Variants in ADAMTSL1 observed in about 807,000 individuals in gnomAD.
ADAMTSL1 encodes ADAMTS like 1.
ADAMTSL1 carries 126 observed loss-of-function variants against 201.8 expected under a neutral mutation model. That is an observed-to-expected ratio of 0.62 (90% CI 0.54 to 0.72). ADAMTSL1 has a LOEUF of 0.72. Among genes scored for constraint, ADAMTSL1 ranks in the 30% least tolerant of loss-of-function variants. The probability of loss-of-function intolerance (pLI) is 0.00; values close to 1 mark genes in which losing one functional copy is unlikely to be tolerated. For missense variants in ADAMTSL1, 2,679 were observed against 2,277.8 expected, an observed-to-expected ratio of 1.18 and a Z score of -3.59; for synonymous variants, 1,121 against 903.4, an observed-to-expected ratio of 1.24 and a Z score of -4.32.
intron 2 of ADAMTSL1, among the ~76,000 whole-genome samples, chr9:18,271,663 T>C (rs1316569575): frequency 1.3e-5 from 2 of 152,212 alleles, no homozygotes; most frequent in African/African-American, 4.8e-5. Context: ...TATAGCAGCA[T>C]GATTTATAAT....
intron 1 of ADAMTSL1, among the ~76,000 whole-genome samples, chr9:17,922,465 A>C (rs548650934): frequency 6.0e-4 from 91 of 152,270 alleles, no homozygotes; most frequent in African/African-American, 2.1e-3. Flanking sequence ...AATCTCAGAG[A>C]TTCTGATTCA....
chr9:18,768,958 C>T (rs1197834780), intron 16 of ADAMTSL1, among the ~76,000 whole-genome samples: 2 of 152,096 alleles, frequency 1.3e-5, no homozygotes. Flanking sequence ...AAGATTATAC[C>T]GATATCTTTC....
At chr9:18,584,439 G>A (rs1415813935) in intron 4 of ADAMTSL1, among the ~76,000 whole-genome samples, 1 of 152,028 alleles carries the variant, frequency 6.6e-6, no homozygotes, top group Non-Finnish European at 1.5e-5. Context: ...TCTCAGGTAT[G>A]TCTTTATCAG....
At chr9:18,678,897 A>C (rs749471057) in intron 10 of ADAMTSL1, among the ~76,000 whole-genome samples, 2 of 152,322 alleles carry the variant, frequency 1.3e-5, no homozygotes, top group East Asian at 3.9e-4. Context: ...GAGCTACTTC[A>C]TTCTCTTGAA....
intron 1 of ADAMTSL1, among the ~76,000 whole-genome samples, chr9:17,915,687 G>T (rs545569472): frequency 2.0e-5 from 3 of 152,284 alleles, no homozygotes; most frequent in Admixed American, 1.3e-4. Context: ...GAGAGTTCCA[G>T]TTCCTCTGCA....
chr9:18,636,929 T>G (rs1827144480), intron 6 of ADAMTSL1, among the ~76,000 whole-genome samples: 1 of 152,128 alleles, frequency 6.6e-6, no homozygotes, highest in Admixed American at 6.6e-5. Context: ...CAAATGCCTG[T>G]GAAACCAATT....
At chr9:18,579,732 AATT>A (rs2132402945) in intron 4 of ADAMTSL1, among the ~76,000 whole-genome samples, 1 of 152,282 alleles carries the variant, frequency 6.6e-6, no homozygotes, top group South Asian at 2.1e-4. Context: ...CACATTGTAC[AATT>A]ATCAACTCCT....
At chr9:18,671,901 G>A (rs2133099018) in intron 9 of ADAMTSL1, among the ~76,000 whole-genome samples, 1 of 152,148 alleles carries the variant, frequency 6.6e-6, no homozygotes, top group South Asian at 2.1e-4. Context: ...TCCGGGCGTG[G>A]CGGCGGGCGC....
chr9:18,833,465 A>T (rs1825119766), intron 23 of ADAMTSL1, among the ~76,000 whole-genome samples: 1 of 152,104 alleles, frequency 6.6e-6, no homozygotes, highest in Non-Finnish European at 1.5e-5. Context: ...AGTGACGTTG[A>T]GTTTTTTTCA....
intron 9 of ADAMTSL1, among the ~76,000 whole-genome samples, chr9:18,672,291 G>A (rs1829870739): frequency 6.6e-6 from 1 of 151,736 alleles, no homozygotes. Flanking sequence ...TGAGGTGATG[G>A]CCTCATTTCA....
At position 18,883,660 on chromosome 9, in the gene ADAMTSL1, A is replaced by C. The variant is rs149314817; in HGVS notation, c.4250-4171A>C. 7.2e-5 allele frequency among the ~76,000 whole-genome samples: 11 copies of C among 152,298 alleles called. No individual in the cohort carries two copies. The East Asian group carries it at 2.1e-3, about 29-fold the overall frequency. On this transcript the variant is annotated intron_variant, in intron 23 of 28. Coordinates refer to ENST00000380548, the MANE Select transcript of ADAMTSL1 (RefSeq NM_001040272.6). Reference sequence around the variant, plus strand: ...GCTCCAGGTACCTCATATAAGTGGAATCATACAATATTTGTCCTTTTATAT... The same window carrying C: ...GCTCCAGGTACCTCATATAAGTGGACTCATACAATATTTGTCCTTTTATAT...
In ADAMTSL1 at chr9:18,019,640, T is replaced by G. The variant is rs1820400060; in HGVS notation, c.87+112718T>G. ...TACCTGGAAGAATTTGTAGGATTGA[T>G]TTTTGTCTAATAGAGTTGAAATCAA... On this transcript the variant is annotated intron_variant, in intron 1 of 29. Transcript: ENST00000680146. Among the ~76,000 whole-genome samples, 4 of 152,056 alleles carry G rather than the reference T, an allele frequency of 2.6e-5. No homozygotes were observed. In the South Asian group the frequency reaches 6.2e-4, roughly 24 times the overall value.
chr9:18,347,856 A>G (rs1214179552), intron 2 of ADAMTSL1, among the ~76,000 whole-genome samples: 1 of 152,074 alleles, frequency 6.6e-6, no homozygotes, highest in East Asian at 1.9e-4. Context: ...AGGCAGGCAG[A>G]CATTCAGAGG....
chr9:18,586,278 A>C (rs1259439323), intron 4 of ADAMTSL1, among the ~76,000 whole-genome samples: 2 of 152,218 alleles, frequency 1.3e-5, no homozygotes, highest in Non-Finnish European at 2.9e-5. Context: ...AATCATTAGC[A>C]TTCCTGTACA....
Position 18,657,689 on chromosome 9 carries a change from A to G in ADAMTSL1, c.885A>G (p.Gln295=). The G allele has an allele frequency of 1.9e-6, 3 of 1,614,168 alleles. No homozygotes were observed. Among genetic ancestry groups the G allele is most frequent in the Non-Finnish European group, 2.5e-6 (3 of 1,180,028 alleles). The change falls in exon 8 of 29, where the codon CAA becomes CAG. Residue 295 remains glutamine (Q), a synonymous_variant. Transcript: ENST00000380548. ...ADSTVQFIFY[Q]PIIHRWRETD... ...GTACAGTCCAGTTCATCTTCTATCA[A>G]CCCATCATCCACCGATGGAGGGAGA...
chr9:18,214,723 C>G (rs1306855983), intron 2 of ADAMTSL1, among the ~76,000 whole-genome samples: 3 of 152,052 alleles, frequency 2.0e-5, no homozygotes, highest in African/African-American at 7.2e-5. Context: ...CCAGAAGTAT[C>G]AAAGTAGAGT....
rs559835750 is a variant in ADAMTSL1 at position 18,648,784 on chromosome 9, T to A, written c.835-8855T>A. On this transcript the variant is annotated intron_variant, in intron 7 of 28. Coordinates refer to ENST00000380548, the MANE Select transcript of ADAMTSL1 (RefSeq NM_001040272.6). ...TGTTAGTCTGATGGGCTTCCCTTTG[T>A]GGGTAACCCGACCTTTCTCTCTGGC... Among the ~76,000 whole-genome samples the A allele has an allele frequency of 8.7e-4, 132 of 152,132 alleles. 1 individual carries two copies. Among genetic ancestry groups the A allele is most frequent in the East Asian group, 6.0e-3 (31 of 5,190 alleles).
chr9:18,428,525 T>A (rs1819335463), intron 2 of ADAMTSL1, among the ~76,000 whole-genome samples: 1 of 151,038 alleles, frequency 6.6e-6, no homozygotes, highest in East Asian at 1.9e-4. Flanking sequence ...GAGGCTGAGA[T>A]GGGAGAATTG....
intron 1 of ADAMTSL1, among the ~76,000 whole-genome samples, chr9:17,916,653 T>C (rs1826106286): frequency 6.6e-6 from 1 of 152,212 alleles, no homozygotes; most frequent in South Asian, 2.1e-4. Context: ...TTCTCTGCTC[T>C]AATCCACTGA....
Sources: gnomAD v4.1 joint callset for allele counts (sites outside exome capture counted in the v4.1 genomes callset) on GRCh38, gnomAD v4.1.1 for gene constraint, MANE v1.5 for transcripts, NCBI Gene and HGNC (gene_info 2026-07-23, HGNC 2026-07-21) for gene names.